The following ADRA1B variants were observed in gnomAD, a reference collection of about 807,000 sequenced individuals.
The protein encoded by ADRA1B is alpha-1B adrenergic receptor.
ADRA1B carries 17 observed loss-of-function variants against 17.9 expected under a neutral mutation model. That is an observed-to-expected ratio of 0.95 (90% CI 0.65 to 1.42). The LOEUF is 1.42. ADRA1B is among the 40% of genes most tolerant of loss of function. The pLI, the probability that ADRA1B is intolerant of heterozygous loss-of-function variation, is 0.00. For synonymous variants in ADRA1B, 366 were observed against 327.6 expected (o/e 1.12, Z -1.27); for missense variants, 681 against 722.1 (o/e 0.94, Z 0.65).
chr5:159,953,053 C>T (rs74801968), intron 1 of ADRA1B, among the ~76,000 whole-genome samples: 2,831 of 152,224 alleles, frequency 0.019, 95 homozygotes, highest in African/African-American at 0.065. Flanking sequence ...TTTATAGGAA[C>T]GTTCTTTGAA....
intron 1 of ADRA1B, among the ~76,000 whole-genome samples, chr5:159,966,068 C>G (rs997022620): frequency 6.6e-6 from 1 of 152,074 alleles, no homozygotes; most frequent in African/African-American, 2.4e-5. Flanking sequence ...GCCACCATAC[C>G]CAGCCAGAAC....
the ADRA1B span, among the ~76,000 whole-genome samples, chr5:159,982,330 A>G: frequency 6.6e-6 from 1 of 152,172 alleles, no homozygotes; most frequent in African/African-American, 2.4e-5. Flanking sequence ...TCTGGTCTTG[A>G]CTTGCAAAGG....
rs375312780 is a variant in ADRA1B at position 159,958,834 on chromosome 5, C to T, written c.950-13045C>T. On this transcript the variant is annotated intron_variant, in intron 1 of 1. Transcript: ENST00000306675. ...TTCTTCATGGTAAGTCCCACCAATG[C>T]TCAGTTTCTAAAAGTGTTCTGCAGG... Among the ~76,000 whole-genome samples the T allele has an allele frequency of 4.0e-4, 61 of 152,326 alleles. No individual in the cohort carries two copies. The South Asian group carries it at 8.7e-3, about 22-fold the overall frequency.
intron 1 of ADRA1B, among the ~76,000 whole-genome samples, chr5:159,968,049 C>T (rs891095291): frequency 1.3e-5 from 2 of 152,202 alleles, no homozygotes; most frequent in African/African-American, 4.8e-5. Context: ...TGCAACACCA[C>T]ACCCCAAACT....
chr5:159,942,080 G>T (rs780531290), intron 1 of ADRA1B, among the ~76,000 whole-genome samples: 1 of 151,950 alleles, frequency 6.6e-6, no homozygotes, highest in Non-Finnish European at 1.5e-5. Context: ...CCGCCACCAC[G>T]CCCAGCTAAT....
chr5:159,875,701 G>A (rs891909265), intron 1 of ADRA1B, among the ~76,000 whole-genome samples: 6 of 152,096 alleles, frequency 3.9e-5, no homozygotes, highest in Admixed American at 2.0e-4. Context: ...TCTCTAATTC[G>A]CCTTCCTTGT....
intron 1 of ADRA1B, 23 bp from the exon 2 acceptor site, chr5:159,971,856 G>GGGGGGGC: frequency 2.3e-6 from 3 of 1,306,252 alleles, no homozygotes; most frequent in Non-Finnish European, 2.0e-6. Flanking sequence ...TTCTGCCCGT[G>GGGGGGGC]CCCACCCCCC....
rs2113301269 is a variant in ADRA1B, at chr5:159,972,519, T to TGGGGAGGAAAACATCGTGGG, written c.*35_*54dup. ...GCCCCCGTGCGCAGCTTTCTTTCCC[T>TGGGGAGGAAAACATCGTGGG]GGGGAGGAAAACATCGTGGGGGGGA... is the stretch of plus-strand genomic sequence containing the variant. On this transcript the variant is annotated 3_prime_UTR_variant, in exon 2 of 2. Transcript: ENST00000306675. The TGGGGAGGAAAACATCGTGGG allele has an allele frequency of 5.4e-6, 4 of 744,314 alleles. No homozygotes were observed. The highest frequency in any genetic ancestry group is 1.8e-4 in the Admixed American group (1 of 5,614). 46.1% of individuals were successfully genotyped at this position (744,314 alleles called of 1,614,324 possible).
At chr5:159,986,298 GC>G in the ADRA1B span, among the ~76,000 whole-genome samples, 3 of 152,172 alleles carry the variant, frequency 2.0e-5, no homozygotes, top group African/African-American at 7.2e-5. Flanking sequence ...CCACTATGTT[GC>G]CTAGGCATAT....
At chr5:159,938,594 G>A (rs1336813622) in intron 1 of ADRA1B, among the ~76,000 whole-genome samples, 6 of 152,204 alleles carry the variant, frequency 3.9e-5, no homozygotes, top group Non-Finnish European at 1.5e-5. Context: ...TGAATCTCAG[G>A]ATAGATGTGA....
In ADRA1B at chr5:159,972,738, C is replaced by A. The variant is rs1755906878; in HGVS notation, c.*246C>A. ...CCCGACGCCGCCGGGATTTACCTCT[C>A]TCTCTCCCTCTGTGTATATATAAAC... On this transcript the variant is annotated 3_prime_UTR_variant, in exon 2 of 2. Transcript: ENST00000306675. Among the ~76,000 whole-genome samples, 1 of 152,250 alleles carries A rather than the reference C, an allele frequency of 6.6e-6. No homozygotes were observed. The highest frequency in any genetic ancestry group is 6.5e-5 in the Admixed American group (1 of 15,302).
Position 159,950,371 on chromosome 5 carries a change from T to C in ADRA1B, c.950-21508T>C. On this transcript the variant is annotated intron_variant, in intron 1 of 1. Coordinates refer to ENST00000306675, the MANE Select transcript of ADRA1B (RefSeq NM_000679.4). ...CCCCTCCCTCTTCAGGGGGTCTGTA[T>C]GGAAACTGTGAGGAGGGGAGAGTCT... 4 of 614,140 alleles carry C rather than the reference T, an allele frequency of 6.5e-6. No homozygotes were observed. In the South Asian group the frequency reaches 7.5e-5, roughly 11 times the overall value. 38.0% of individuals were successfully genotyped at this position (614,140 alleles called of 1,614,324 possible). A position where few individuals can be genotyped will look rare whatever the true frequency, so the allele number is the denominator to read the frequency against.
At chr5:159,880,066 T>A (rs1753846698) in intron 1 of ADRA1B, among the ~76,000 whole-genome samples, 1 of 152,220 alleles carries the variant, frequency 6.6e-6, no homozygotes, top group South Asian at 2.1e-4. Flanking sequence ...GCATTCCTCA[T>A]ACATATTTCA....
At chr5:159,910,488 T>C (rs1362572478) in intron 1 of ADRA1B, among the ~76,000 whole-genome samples, 1 of 152,236 alleles carries the variant, frequency 6.6e-6, no homozygotes, top group Non-Finnish European at 1.5e-5. Flanking sequence ...CTGGGCCTTC[T>C]GTGTTCTCAT....
the ADRA1B span, among the ~76,000 whole-genome samples, chr5:159,983,792 T>C: frequency 2.0e-5 from 3 of 152,206 alleles, no homozygotes; most frequent in Admixed American, 6.5e-5. Flanking sequence ...GATCTCTCCT[T>C]TTCTTCCTCT....
At chr5:159,940,453 C>T (rs1755096131) in intron 1 of ADRA1B, among the ~76,000 whole-genome samples, 1 of 152,140 alleles carries the variant, frequency 6.6e-6, no homozygotes, top group African/African-American at 2.4e-5. Flanking sequence ...ACCCTTACTC[C>T]TGATGTTTTC....
At chr5:159,920,959 A>G (rs1333687583) in intron 1 of ADRA1B, among the ~76,000 whole-genome samples, 1 of 152,090 alleles carries the variant, frequency 6.6e-6, no homozygotes, top group Non-Finnish European at 1.5e-5. Context: ...TTGGTGATAG[A>G]CTTTCAGGTG....
At chr5:159,964,139 A>G (rs1006376981) in intron 1 of ADRA1B, among the ~76,000 whole-genome samples, 6 of 152,210 alleles carry the variant, frequency 3.9e-5, no homozygotes, top group Non-Finnish European at 7.3e-5. Flanking sequence ...TGAGTCACAT[A>G]TTCAGTCAGT....
chr5:159,960,293 T>A (rs1755643636), intron 1 of ADRA1B, among the ~76,000 whole-genome samples: 1 of 152,194 alleles, frequency 6.6e-6, no homozygotes, highest in South Asian at 2.1e-4. Flanking sequence ...AAGTCAATGC[T>A]CTTGCAGAGA....
Sources: allele counts gnomAD v4.1 joint callset (sites outside exome capture counted in the v4.1 genomes callset), GRCh38; gene constraint gnomAD v4.1.1; transcripts MANE v1.5; gene names NCBI Gene and HGNC (gene_info 2026-07-23, HGNC 2026-07-21).